ANKRD22: variants seen among roughly 807,000 people sequenced by gnomAD.
ANKRD22 encodes ankyrin repeat domain 22, also known as ankyrin repeat domain-containing protein 22.
In ANKRD22, 24 loss-of-function variants were observed where a neutral mutation model predicts 25.7. The ratio of observed to expected loss-of-function variants is 0.93; its 90% confidence interval spans 0.68 to 1.31. The LOEUF (loss-of-function observed/expected upper bound fraction) is 1.31, where lower values mean the gene tolerates loss of function less well. Among genes scored for constraint, ANKRD22 ranks in the 50% most tolerant of loss-of-function variants. The pLI is 0.00. For missense variants in ANKRD22, 214 were observed against 227.1 expected, an observed-to-expected ratio of 0.94 and a Z score of 0.37; for synonymous variants, 84 against 84.3, an observed-to-expected ratio of 1.00 and a Z score of 0.02.
chr10:88,830,228 C>T (rs1447953518), intron 2 of ANKRD22, among the ~76,000 whole-genome samples: 2 of 152,186 alleles, frequency 1.3e-5, no homozygotes, highest in Admixed American at 1.3e-4. Flanking sequence ...AGTATTAATG[C>T]TTTTCATATT....
rs71022545 is a variant in ANKRD22 at position 88,825,011 on chromosome 10, TCACA to T, written c.399+1023_399+1026del. ...CTCTCTCTCTCTCTCTCTCTCTCTC[TCACA>T]CACACACACACACACACACACACAC... On this transcript the variant is annotated intron_variant, in intron 4 of 5. Coordinates refer to ENST00000371930, the MANE Select transcript of ANKRD22 (RefSeq NM_144590.3). Among the ~76,000 whole-genome samples the T allele has an allele frequency of 4.5e-3, 504 of 111,468 alleles. 8 individuals carry two copies. The highest frequency in any genetic ancestry group is 0.02 in the Admixed American group (222 of 11,108). The allele number at this position is 111,468 out of a possible 152,430, so 73.1% of individuals were successfully genotyped here.
chr10:88,851,604 C>T lies in ANKRD22; in HGVS notation c.4G>A (p.Gly2Arg), dbSNP rs1220539278. The change falls in exon 1 of 6, where the codon GGA becomes AGA. Residue 2 changes from glycine to arginine, a missense_variant. Physicochemically the swap from Gly to Arg is moderately radical, Grantham distance 125. Coordinates refer to ENST00000371930, the MANE Select transcript of ANKRD22 (RefSeq NM_144590.3). Reference protein sequence around the residue: MGILYSEPICQA... With the variant: MRILYSEPICQA... ...TGATGTACCTCAGAGTATAGGATTC[C>T]CATGCTGGTCCTTCACAGGCTTACT... 1.2e-6 allele frequency: 2 copies of T among 1,613,300 alleles called. No individual in the cohort carries two copies. The highest frequency in any genetic ancestry group is 1.7e-6 in the Non-Finnish European group (2 of 1,179,470).
chr10:88,848,174 G>GTA (rs570718689), intron 1 of ANKRD22, among the ~76,000 whole-genome samples: 12 of 137,324 alleles, frequency 8.7e-5, no homozygotes, highest in Admixed American at 2.1e-4. Context: ...GTATATATGT[G>GTA]TATATATATA....
intron 4 of ANKRD22, 58 bp downstream of exon 4, chr10:88,825,980 G>T (rs113936104): frequency 5.1e-6 from 7 of 1,367,878 alleles, no homozygotes; most frequent in Non-Finnish European, 7.2e-6. Context: ...TGACAAATAC[G>T]CTACCTACAA....
intron 2 of ANKRD22, 24 bp from the exon 3 acceptor site, chr10:88,828,690 T>C (rs1487577097): frequency 6.7e-7 from 1 of 1,503,434 alleles, no homozygotes; most frequent in Non-Finnish European, 9.1e-7. Context: ...AAAGGATTCT[T>C]TACTAATAAA....
chr10:88,842,710 A>C (rs182797583), intron 1 of ANKRD22, among the ~76,000 whole-genome samples: 94 of 152,270 alleles, frequency 6.2e-4, no homozygotes, highest in Non-Finnish European at 1.2e-3. Flanking sequence ...AATTCAGTTA[A>C]AGAATTTGGA....
At chr10:88,845,965 G>A (rs560068054) in intron 1 of ANKRD22, among the ~76,000 whole-genome samples, 2 of 152,166 alleles carry the variant, frequency 1.3e-5, no homozygotes, top group East Asian at 1.9e-4. Context: ...AACCACCATC[G>A]TCATTATTGC....
chr10:88,849,616 C>T (rs1844084879), intron 1 of ANKRD22, among the ~76,000 whole-genome samples: 1 of 152,078 alleles, frequency 6.6e-6, no homozygotes, highest in Non-Finnish European at 1.5e-5. Flanking sequence ...CTAAAAGTGA[C>T]TCTTACAAGA....
chr10:88,840,670 G>A (rs17438148), intron 1 of ANKRD22, among the ~76,000 whole-genome samples: 10,290 of 152,166 alleles, frequency 0.068, 468 homozygotes, highest in Middle Eastern at 0.11. Context: ...AAATGATTCC[G>A]GTAAAGAGCC....
chr10:88,850,867 G>T (rs1844097871), intron 1 of ANKRD22, among the ~76,000 whole-genome samples: 1 of 151,930 alleles, frequency 6.6e-6, no homozygotes, highest in Non-Finnish European at 1.5e-5. Context: ...CATCTGCAAT[G>T]AAATGCAGAT....
chr10:88,824,985 GCTCTCTCT>G (rs142353847), intron 4 of ANKRD22, among the ~76,000 whole-genome samples: 4,598 of 141,342 alleles, frequency 0.033, 123 homozygotes, highest in Middle Eastern at 0.085. Flanking sequence ...ATTTTCTTTT[GCTCTCTCT>G]CTCTCTCTCT....
chr10:88,838,044 G>C (rs1473601221), intron 1 of ANKRD22, among the ~76,000 whole-genome samples: 3 of 152,206 alleles, frequency 2.0e-5, no homozygotes, highest in African/African-American at 4.8e-5. Flanking sequence ...CATTTAAAAA[G>C]ATGAATGGAT....
chr10:88,848,048 G>A (rs941486398), intron 1 of ANKRD22, among the ~76,000 whole-genome samples: 17 of 151,774 alleles, frequency 1.1e-4, no homozygotes, highest in Non-Finnish European at 2.5e-4. Context: ...ATGAGGTCAA[G>A]TAGGAAATTT....
intron 4 of ANKRD22, 168 bp from the exon 5 acceptor site, chr10:88,823,546 C>G (rs986380578): frequency 1.7e-6 from 1 of 583,538 alleles, no homozygotes; most frequent in Non-Finnish European, 3.0e-6. Context: ...AAAAATTTTT[C>G]GCCGGGCGCG....
At chr10:88,848,680 C>T (rs1314036579) in intron 1 of ANKRD22, among the ~76,000 whole-genome samples, 1 of 152,130 alleles carries the variant, frequency 6.6e-6, no homozygotes, top group Non-Finnish European at 1.5e-5. Flanking sequence ...AACTGTGACT[C>T]AGAGAGGTTA....
intron 1 of ANKRD22, among the ~76,000 whole-genome samples, chr10:88,833,844 A>G (rs1293686675): frequency 6.6e-6 from 1 of 152,206 alleles, no homozygotes; most frequent in East Asian, 1.9e-4. Context: ...GTCTCAGCAT[A>G]CTGTGTGGCT....
At chr10:88,825,198 A>G (rs551932371) in intron 4 of ANKRD22, among the ~76,000 whole-genome samples, 1 of 152,300 alleles carries the variant, frequency 6.6e-6, no homozygotes, top group South Asian at 2.1e-4. Context: ...TCACAAATAG[A>G]ATGTTAGTAT....
chr10:88,820,492 C>T lies in ANKRD22; in HGVS notation c.*2449G>A, dbSNP rs180702258. 3.9e-3 allele frequency: 6,057 copies of T among 1,550,258 alleles called. 20 individuals are homozygous for T. Among genetic ancestry groups the T allele is most frequent in the Middle Eastern group, 6.1e-3 (35 of 5,692 alleles). On this transcript the variant is annotated 3_prime_UTR_variant, in exon 6 of 6. Transcript: ENST00000371930. Reference sequence around the variant, plus strand: ...ACCTTTCCCAGGGACGGTGTGAGGCCGTATTGTGAAGCATCTGACACTGAC... The same window carrying T: ...ACCTTTCCCAGGGACGGTGTGAGGCTGTATTGTGAAGCATCTGACACTGAC...
At chr10:88,838,850 A>G (rs1419575487) in intron 1 of ANKRD22, among the ~76,000 whole-genome samples, 5 of 152,194 alleles carry the variant, frequency 3.3e-5, no homozygotes, top group South Asian at 4.1e-4. Flanking sequence ...GCCCAGGAAA[A>G]GCCAGATTTC....
Sources: allele counts gnomAD v4.1 joint callset (sites outside exome capture counted in the v4.1 genomes callset), GRCh38; gene constraint gnomAD v4.1.1; transcripts MANE v1.5; gene names NCBI Gene and HGNC (gene_info 2026-07-23, HGNC 2026-07-21).